FBXO36: variants seen among roughly 807,000 people sequenced by gnomAD.
FBXO36 encodes the protein F-box only protein 36.
In FBXO36, 18 loss-of-function variants were observed where a neutral mutation model predicts 17.0. The observed-to-expected ratio is 1.06, with a 90% CI of 0.73 to 1.57. FBXO36 has a LOEUF of 1.57. FBXO36 is among the 40% of genes most tolerant of loss of function. The pLI is 0.00. For synonymous variants in FBXO36, 83 were observed against 85.3 expected, an observed-to-expected ratio of 0.97 and a Z score of 0.15; for missense variants, 229 against 221.9, an observed-to-expected ratio of 1.03 and a Z score of -0.20.
At chr2:229,996,495 A>T (rs1269569753) in intron 2 of FBXO36, among the ~76,000 whole-genome samples, 1 of 152,050 alleles carries the variant, frequency 6.6e-6, no homozygotes, top group Non-Finnish European at 1.5e-5. Flanking sequence ...GATCAAGGGG[A>T]TGCAGAAATC....
intron 2 of FBXO36, among the ~76,000 whole-genome samples, chr2:229,996,023 C>A (rs1452608062): frequency 2.0e-5 from 3 of 151,840 alleles, no homozygotes; most frequent in Non-Finnish European, 2.9e-5. Flanking sequence ...TGCCTGGAAT[C>A]CCAGCACTTT....
intron 1 of FBXO36, among the ~76,000 whole-genome samples, chr2:229,939,504 G>A (rs899880791): frequency 2.0e-5 from 3 of 151,948 alleles, no homozygotes; most frequent in Non-Finnish European, 4.4e-5. Context: ...CCAGCTATTC[G>A]GGAGGCTGAG....
intron 1 of FBXO36, among the ~76,000 whole-genome samples, chr2:229,952,194 G>A (rs1178513897): frequency 1.3e-5 from 2 of 152,082 alleles, no homozygotes; most frequent in Non-Finnish European, 2.9e-5. Flanking sequence ...TGGTGGAGAA[G>A]GACATTCCCT....
intron 1 of FBXO36, among the ~76,000 whole-genome samples, chr2:229,933,204 C>G (rs982512895): frequency 5.3e-5 from 8 of 152,098 alleles, no homozygotes; most frequent in Non-Finnish European, 1.2e-4. Flanking sequence ...AGCAGCCTTG[C>G]CAACATGGTG....
chr2:229,982,354 G>C (rs1004456536), intron 2 of FBXO36, among the ~76,000 whole-genome samples: 11 of 152,030 alleles, frequency 7.2e-5, no homozygotes, highest in African/African-American at 2.7e-4. Context: ...AGCCAACAAT[G>C]GCAGGTCTTG....
chr2:229,940,614 G>A (rs2076993030), intron 1 of FBXO36, among the ~76,000 whole-genome samples: 1 of 152,172 alleles, frequency 6.6e-6, no homozygotes, highest in Non-Finnish European at 1.5e-5. Flanking sequence ...TCCTGCTAAA[G>A]TAGCATGGGC....
intron 1 of FBXO36, among the ~76,000 whole-genome samples, chr2:229,932,262 T>G (rs2076942563): frequency 6.6e-6 from 1 of 152,074 alleles, no homozygotes; most frequent in South Asian, 2.1e-4. Context: ...GGCTTACGCC[T>G]GTTATCCCAG....
At chr2:229,993,391 C>G (rs903130010) in intron 2 of FBXO36, among the ~76,000 whole-genome samples, 4 of 152,112 alleles carry the variant, frequency 2.6e-5, no homozygotes, top group African/African-American at 9.7e-5. Context: ...AGTGAGTGAT[C>G]GAAGAGCAAA....
At chr2:229,990,391 A>G (rs2077292479) in intron 2 of FBXO36, among the ~76,000 whole-genome samples, 1 of 151,780 alleles carries the variant, frequency 6.6e-6, no homozygotes, top group African/African-American at 2.4e-5. Context: ...TCTGTATATC[A>G]GGTTATCAGG....
intron 1 of FBXO36, among the ~76,000 whole-genome samples, chr2:229,950,641 G>A (rs1320280844): frequency 1.3e-5 from 2 of 152,146 alleles, no homozygotes; most frequent in Admixed American, 6.5e-5. Flanking sequence ...AGAACGGAAT[G>A]AGAGCTCCCA....
intron 1 of FBXO36, among the ~76,000 whole-genome samples, chr2:229,930,540 C>T (rs1408583159): frequency 1.3e-5 from 2 of 151,940 alleles, no homozygotes; most frequent in East Asian, 1.9e-4. Context: ...CACCTGAGGT[C>T]GGGAGGTCGA....
chr2:230,006,388 G>A (rs538668042), intron 3 of FBXO36, among the ~76,000 whole-genome samples: 166 of 152,214 alleles, frequency 1.1e-3, no homozygotes, highest in African/African-American at 3.7e-3. Flanking sequence ...GAGCCACTGC[G>A]CCCTGCCATC....
chr2:229,981,189 T>C (rs2077237382), intron 2 of FBXO36, among the ~76,000 whole-genome samples: 1 of 152,130 alleles, frequency 6.6e-6, no homozygotes, highest in Non-Finnish European at 1.5e-5. Context: ...ACGGTGAGCA[T>C]TCAATGGCCT....
rs534187724 is a variant in FBXO36 at position 229,964,015 on chromosome 2, G to A, written c.97-12226G>A. The stretch of plus-strand genomic sequence containing the variant: ...ATGCTTTACTATTATGAGTAAAATT[G>A]AGCATCTTTTTATATGTCTATGAGA... On this transcript the variant is annotated intron_variant, in intron 1 of 3. Transcript: ENST00000283946. Among the ~76,000 whole-genome samples, 3 of 152,154 alleles carry A rather than the reference G, an allele frequency of 2.0e-5. No homozygotes were observed. In the South Asian group the frequency reaches 6.2e-4, roughly 32 times the overall value.
chr2:229,964,445 G>A (rs1411912559), intron 1 of FBXO36, among the ~76,000 whole-genome samples: 1 of 152,174 alleles, frequency 6.6e-6, no homozygotes, highest in Non-Finnish European at 1.5e-5. Flanking sequence ...ATGGAACATA[G>A]CATTTTCTGT....
At position 230,012,679 on chromosome 2, in the gene FBXO36, T is replaced by C. The variant is rs1396267847; in HGVS notation, c.*1795T>C. The C allele has an allele frequency of 2.0e-5, 3 of 151,850 alleles. No individual in the cohort carries two copies. The highest frequency in any genetic ancestry group is 2.9e-5 in the Non-Finnish European group (2 of 67,902). The allele number at this position is 151,850 out of a possible 1,614,324, so 9.4% of individuals were successfully genotyped here. A position where few individuals can be genotyped will look rare whatever the true frequency, so the allele number is the denominator to read the frequency against. ...TCCCTGAGCTCCCAGACTTCACTCA[T>C]GGCCTAATTTTCAATGACAGAACGT... On this transcript the variant is annotated 3_prime_UTR_variant, in exon 4 of 4. Coordinates refer to ENST00000283946, the MANE Select transcript of FBXO36 (RefSeq NM_174899.5).
At chr2:229,973,984 A>G (rs957677208) in intron 1 of FBXO36, among the ~76,000 whole-genome samples, 4 of 152,132 alleles carry the variant, frequency 2.6e-5, no homozygotes, top group Admixed American at 2.6e-4. Context: ...CAGGAAGTCG[A>G]GGCTGCAGTG....
rs924404659 is a variant in FBXO36, at chr2:230,006,292, C to T, written c.379-4404C>T. Among the ~76,000 whole-genome samples, 3 of 151,816 alleles carry T rather than the reference C, an allele frequency of 2.0e-5. 1 individual carries two copies. Among genetic ancestry groups the T allele is most frequent in the Non-Finnish European group, 4.4e-5 (3 of 67,880 alleles). On this transcript the variant is annotated intron_variant, in intron 3 of 3. Coordinates refer to ENST00000283946, the MANE Select transcript of FBXO36 (RefSeq NM_174899.5). ...CGTATTTTTAGTAGAGGCGGGGTTT[C>T]GCCATGTTGGTCAGGCTGGTCTCTA...
intron 2 of FBXO36, among the ~76,000 whole-genome samples, chr2:229,987,556 T>C (rs1368727391): frequency 6.6e-6 from 1 of 152,176 alleles, no homozygotes; most frequent in African/African-American, 2.4e-5. Context: ...TCTACTACTT[T>C]CCTTAAGTCT....
Sources: gnomAD v4.1 joint callset for allele counts (sites outside exome capture counted in the v4.1 genomes callset) on GRCh38, gnomAD v4.1.1 for gene constraint, MANE v1.5 for transcripts, NCBI Gene and HGNC (gene_info 2026-07-23, HGNC 2026-07-21) for gene names.